RIMS1: variants seen among roughly 807,000 people sequenced by gnomAD.
RIMS1 encodes regulating synaptic membrane exocytosis 1, also known as regulating synaptic membrane exocytosis protein 1.
RIMS1 carries 83 observed loss-of-function variants against 214.1 expected under a neutral mutation model. That is an observed-to-expected ratio of 0.39 (90% CI 0.32 to 0.47). The LOEUF (loss-of-function observed/expected upper bound fraction) is 0.47, where lower values mean the gene tolerates loss of function less well. Ranked by LOEUF, RIMS1 falls within the 20% of genes least tolerant of loss-of-function variation. RIMS1 has a pLI of 0.99. For synonymous variants in RIMS1, 793 were observed against 786.8 expected (o/e 1.01, Z -0.13); for missense variants, 2,050 against 2,161.8 (o/e 0.95, Z 1.03).
chr6:72,003,835 A>T (rs997480525), intron 2 of RIMS1, among the ~76,000 whole-genome samples: 2 of 150,922 alleles, frequency 1.3e-5, no homozygotes, highest in Non-Finnish European at 3.0e-5. Context: ...GAGGCTAAAG[A>T]TCATTTTTCT....
chr6:72,330,313 GA>G (rs993972296), intron 28 of RIMS1, among the ~76,000 whole-genome samples: 1 of 151,224 alleles, frequency 6.6e-6, no homozygotes, highest in East Asian at 2.0e-4. Context: ...AATTACTTCA[GA>G]AAAAAATAGG....
At chr6:72,029,880 A>G (rs1313602847) in intron 2 of RIMS1, among the ~76,000 whole-genome samples, 1 of 152,180 alleles carries the variant, frequency 6.6e-6, no homozygotes. Flanking sequence ...GCAGGTAGAT[A>G]CCTCAATTAA....
At chr6:72,048,716 T>A (rs1201390723) in intron 2 of RIMS1, among the ~76,000 whole-genome samples, 1 of 152,208 alleles carries the variant, frequency 6.6e-6, no homozygotes, top group Non-Finnish European at 1.5e-5. Context: ...AGTTATTTTC[T>A]TACCTTTAAA....
In RIMS1 at chr6:72,124,810, C is replaced by T. The variant is rs771110800; in HGVS notation, c.471+24824C>T. ...TGCATATATCACATAGTTCTCATGC[C>T]ATGGTTTTCAGCTCCATCAGGTCAT... On this transcript the variant is annotated intron_variant, in intron 4 of 33. Transcript: ENST00000521978. Among the ~76,000 whole-genome samples, 4 of 152,218 alleles carry T rather than the reference C, an allele frequency of 2.6e-5. 1 individual carries two copies. The East Asian group carries it at 7.7e-4, about 29-fold the overall frequency.
At chr6:71,904,494 C>A (rs75303121) in intron 1 of RIMS1, among the ~76,000 whole-genome samples, 3,311 of 152,104 alleles carry the variant, frequency 0.022, 118 homozygotes, top group African/African-American at 0.074. Flanking sequence ...TGGCTGGCTT[C>A]AGCAGAGGGC....
Position 71,969,169 on chromosome 6 carries a change from T to C in RIMS1, c.245+106T>C. ...TGAGAGTAGATACTCTGGCTGCTCT[T>C]GTATATGTAACAAAAAGGCTACTGT... On this transcript the variant is annotated intron_variant, in intron 2 of 33. Coordinates refer to ENST00000521978, the MANE Select transcript of RIMS1 (RefSeq NM_014989.7). The C allele has an allele frequency of 3.8e-6, 4 of 1,066,308 alleles. No individual in the cohort carries two copies. In the South Asian group the frequency reaches 5.1e-5, roughly 13 times the overall value. 66.1% of individuals were successfully genotyped at this position (1,066,308 alleles called of 1,614,324 possible).
In RIMS1 at chr6:72,163,071, G is replaced by T. The variant is rs576256429; in HGVS notation, c.472-16504G>T. ...TTTTCACATAGTCCCATATTTCTTG[G>T]AGGCTTTGTTCATTTCTTTTTATTA... On this transcript the variant is annotated intron_variant, in intron 4 of 33. Coordinates refer to ENST00000521978, the MANE Select transcript of RIMS1 (RefSeq NM_014989.7). 7.3e-5 allele frequency among the ~76,000 whole-genome samples: 10 copies of T among 136,240 alleles called. 1 individual carries two copies. The East Asian group carries it at 1.6e-3, about 22-fold the overall frequency. 89.4% of individuals were successfully genotyped at this position (136,240 alleles called of 152,430 possible). A position where few individuals can be genotyped will look rare whatever the true frequency, so the allele number is the denominator to read the frequency against.
intron 4 of RIMS1, among the ~76,000 whole-genome samples, chr6:72,177,055 T>G (rs2047812426): frequency 6.6e-6 from 1 of 152,196 alleles, no homozygotes; most frequent in Non-Finnish European, 1.5e-5. Context: ...CTAGAGAATA[T>G]TCAAATGTAA....
chr6:71,890,779 T>G (rs951530449), intron 1 of RIMS1, among the ~76,000 whole-genome samples: 5 of 152,088 alleles, frequency 3.3e-5, no homozygotes, highest in African/African-American at 1.2e-4. Context: ...GCCAAATAGT[T>G]AAACTGTGCT....
intron 29 of RIMS1, among the ~76,000 whole-genome samples, chr6:72,375,157 C>G (rs1411948869): frequency 6.6e-6 from 1 of 152,130 alleles, no homozygotes; most frequent in Admixed American, 6.5e-5. Context: ...GGTTGGGGAC[C>G]CCTGCTTTAA....
intron 2 of RIMS1, among the ~76,000 whole-genome samples, chr6:72,089,651 C>T (rs1196202840): frequency 6.6e-6 from 1 of 151,636 alleles, no homozygotes; most frequent in African/African-American, 2.4e-5. Context: ...CCATTTGACC[C>T]AGCCATCCCA....
chr6:71,984,769 GTACA>G (rs1482455800), intron 2 of RIMS1, among the ~76,000 whole-genome samples: 1,930 of 124,904 alleles, frequency 0.015, 50 homozygotes, highest in East Asian at 0.13. Flanking sequence ...ATGTATGTAT[GTACA>G]TATCTATCTA....
At chr6:72,394,024 TAA>T (rs79272785) in intron 31 of RIMS1, among the ~76,000 whole-genome samples, 11 of 111,856 alleles carry the variant, frequency 9.8e-5, no homozygotes, top group Admixed American at 1.9e-4. Flanking sequence ...AATTATGAAC[TAA>T]AAAAAAAAAA....
chr6:72,000,981 C>A (rs555878014), intron 2 of RIMS1, among the ~76,000 whole-genome samples: 3 of 152,020 alleles, frequency 2.0e-5, no homozygotes, highest in African/African-American at 7.2e-5. Context: ...CTAAATATTG[C>A]TGTCTTTGTA....
rs767591687 is a variant in RIMS1 at position 72,157,022 on chromosome 6, A to T, written c.472-22553A>T. Among the ~76,000 whole-genome samples, 15 of 140,814 alleles carry T rather than the reference A, an allele frequency of 1.1e-4. 4 individuals are homozygous for T. Among genetic ancestry groups the T allele is most frequent in the Non-Finnish European group, 1.6e-4 (10 of 61,860 alleles). 92.4% of individuals were successfully genotyped at this position (140,814 alleles called of 152,430 possible). Reference sequence around the variant, plus strand: ...GAAATATCTGTGCAATTGGTCTAGTAGCACTGATGCTTAAAAAAGCAATCT... The same window carrying T: ...GAAATATCTGTGCAATTGGTCTAGTTGCACTGATGCTTAAAAAAGCAATCT... On this transcript the variant is annotated intron_variant, in intron 4 of 33. Coordinates refer to ENST00000521978, the MANE Select transcript of RIMS1 (RefSeq NM_014989.7).
intron 4 of RIMS1, among the ~76,000 whole-genome samples, chr6:72,134,694 T>C (rs1358844935): frequency 2.0e-5 from 3 of 152,154 alleles, no homozygotes; most frequent in African/African-American, 7.2e-5. Context: ...ATTCCTAAGA[T>C]GAGGTAGGCT....
At chr6:72,251,133 A>G in intron 14 of RIMS1, 41 bp downstream of exon 14, 1 of 1,557,418 alleles carries the variant, frequency 6.4e-7, no homozygotes. Context: ...TAGTTAATAA[A>G]GTTTTGTGAT....
rs781655530 is a variant in RIMS1, at chr6:72,400,573, C to T, written c.4938C>T (p.Leu1646=). The T allele has an allele frequency of 8.1e-6, 13 of 1,613,802 alleles. No homozygotes were observed. The highest frequency in any genetic ancestry group is 1.7e-5 in the Admixed American group (1 of 59,980). ...MGVAQILLEE[L]DLSSMVIGWY... is the part of the protein sequence containing the mutation. ...TGGCTCAGATCTTGTTGGAAGAACT[C>T]GACCTGTCCAGCATGGTGATCGGAT... Residue 1646 remains leucine (L), a synonymous_variant, in exon 34 of 34, where the codon CTC becomes CTT. Transcript: ENST00000521978.
At chr6:72,098,800 G>A (rs2032721620) in intron 3 of RIMS1, among the ~76,000 whole-genome samples, 1 of 152,096 alleles carries the variant, frequency 6.6e-6, no homozygotes, top group African/African-American at 2.4e-5. Flanking sequence ...CCATTCTTAT[G>A]ACTCCATAAG....
Sources: gnomAD v4.1 joint callset for allele counts (sites outside exome capture counted in the v4.1 genomes callset) on GRCh38, gnomAD v4.1.1 for gene constraint, MANE v1.5 for transcripts, NCBI Gene and HGNC (gene_info 2026-07-23, HGNC 2026-07-21) for gene names.